The following CFAP95 variants were observed in gnomAD, a reference collection of about 807,000 sequenced individuals.
CFAP95 encodes the protein cilia and flagella associated protein 95.
chr9:69,838,171 C>T, the CFAP95 span, among the ~76,000 whole-genome samples: 1 of 152,134 alleles, frequency 6.6e-6, no homozygotes, highest in Non-Finnish European at 1.5e-5. Context: ...AGCGTGATGC[C>T]TCCAGCTTTG....
At chr9:69,861,788 T>C in the CFAP95 span, among the ~76,000 whole-genome samples, 1 of 151,402 alleles carries the variant, frequency 6.6e-6, no homozygotes, top group Non-Finnish European at 1.5e-5. Context: ...ACTGTGGTTT[T>C]AGTGGAGCTT....
the CFAP95 span, among the ~76,000 whole-genome samples, chr9:69,859,561 A>G: frequency 6.6e-6 from 1 of 152,186 alleles, no homozygotes; most frequent in South Asian, 2.1e-4. Flanking sequence ...TCCTCTGCTC[A>G]TGATTAAGAG....
At chr9:69,826,948 TA>T in the CFAP95 span, among the ~76,000 whole-genome samples, 1 of 152,188 alleles carries the variant, frequency 6.6e-6, no homozygotes, top group African/African-American at 2.4e-5. Flanking sequence ...AAATCCCCAC[TA>T]AAACCAGGGC....
the CFAP95 span, among the ~76,000 whole-genome samples, chr9:69,837,180 G>A: frequency 8.5e-5 from 13 of 152,230 alleles, no homozygotes; most frequent in South Asian, 2.1e-4. Context: ...GAATAATGCC[G>A]CAATAAATAT....
At chr9:69,858,188 A>G in the CFAP95 span, 3 of 536,244 alleles carry the variant, frequency 5.6e-6, no homozygotes, top group Non-Finnish European at 3.3e-6. Flanking sequence ...CACTATTTGC[A>G]GATCCTGTAT....
the CFAP95 span, among the ~76,000 whole-genome samples, chr9:69,895,369 C>CTCTGTGTGTGTGTG: frequency 1.5e-3 from 161 of 107,904 alleles, no homozygotes; most frequent in Non-Finnish European, 2.0e-3. Flanking sequence ...CTCTCTCTCT[C>CTCTGTGTGTGTGTG]TGTGTGTGTG....
chr9:69,881,404 C>T, the CFAP95 span, among the ~76,000 whole-genome samples: 9 of 152,240 alleles, frequency 5.9e-5, no homozygotes, highest in East Asian at 7.7e-4. Flanking sequence ...TCCCCAGCAC[C>T]GTTTGTTGAA....
chr9:69,901,798 CCCA>C, the CFAP95 span, among the ~76,000 whole-genome samples: 1 of 152,130 alleles, frequency 6.6e-6, no homozygotes, highest in African/African-American at 2.4e-5. Context: ...AGTTTACACT[CCCA>C]CCAACAGTGT....
chr9:69,878,463 G>C, the CFAP95 span, among the ~76,000 whole-genome samples: 2 of 152,172 alleles, frequency 1.3e-5, no homozygotes, highest in African/African-American at 2.4e-5. Context: ...GTTTCAGCAT[G>C]GGCTCTGATT....
the CFAP95 span, among the ~76,000 whole-genome samples, chr9:69,822,908 G>A: frequency 6.6e-6 from 1 of 152,224 alleles, no homozygotes; most frequent in African/African-American, 2.4e-5. Context: ...TTTGCTACAT[G>A]TTGGGGACAT....
the CFAP95 span, among the ~76,000 whole-genome samples, chr9:69,856,105 A>G: frequency 3.9e-5 from 6 of 152,334 alleles, no homozygotes; most frequent in Non-Finnish European, 7.3e-5. Flanking sequence ...AGATTTTTCC[A>G]CATCGCAATA....
At chr9:69,905,531 T>G in the CFAP95 span, among the ~76,000 whole-genome samples, 1 of 152,214 alleles carries the variant, frequency 6.6e-6, no homozygotes, top group Non-Finnish European at 1.5e-5. Context: ...ATGGGAAGTA[T>G]GACTTGGTAA....
the CFAP95 span, among the ~76,000 whole-genome samples, chr9:69,859,703 G>A: frequency 5.9e-5 from 9 of 152,160 alleles, no homozygotes; most frequent in African/African-American, 1.7e-4. Context: ...GATATGTTCC[G>A]AGAAATGTGT....
chr9:69,826,895 T>C, the CFAP95 span, among the ~76,000 whole-genome samples: 1 of 152,208 alleles, frequency 6.6e-6, no homozygotes, highest in Non-Finnish European at 1.5e-5. Flanking sequence ...CCTATATTTA[T>C]ATTTTAATGA....
chr9:69,902,428 C>T, the CFAP95 span: 1 of 407,024 alleles, frequency 2.5e-6, no homozygotes, highest in African/African-American at 2.1e-5. Context: ...CTCAAAAATC[C>T]TATTTTGTAT....
At chr9:69,901,818 G>C in the CFAP95 span, among the ~76,000 whole-genome samples, 1 of 152,120 alleles carries the variant, frequency 6.6e-6, no homozygotes, top group Admixed American at 6.5e-5. Flanking sequence ...GTGTAAAAGT[G>C]TTCCTATTTC....
At chr9:69,880,846 G>A in the CFAP95 span, among the ~76,000 whole-genome samples, 1 of 152,130 alleles carries the variant, frequency 6.6e-6, no homozygotes, top group African/African-American at 2.4e-5. Context: ...GTGGATATAA[G>A]CCATTTTAAC....
At chr9:69,872,302 A>G in the CFAP95 span, among the ~76,000 whole-genome samples, 37 of 152,202 alleles carry the variant, frequency 2.4e-4, no homozygotes, top group Middle Eastern at 3.2e-3. Context: ...CTGCTTAACA[A>G]TCACTCAAGG....
the CFAP95 span, among the ~76,000 whole-genome samples, chr9:69,904,266 T>C: frequency 6.6e-6 from 1 of 152,244 alleles, no homozygotes; most frequent in East Asian, 1.9e-4. Flanking sequence ...TGTCTGTGAA[T>C]CTGCCTATTC....
Sources: allele counts gnomAD v4.1 joint callset (sites outside exome capture counted in the v4.1 genomes callset), GRCh38; gene constraint gnomAD v4.1.1; transcripts MANE v1.5; gene names NCBI Gene and HGNC (gene_info 2026-07-23, HGNC 2026-07-21).